BCAS2: variants seen among roughly 807,000 people sequenced by gnomAD.
BCAS2 encodes the protein BCAS2 pre-mRNA processing factor, also known as pre-mRNA-splicing factor SPF27.
BCAS2 carries 34 observed loss-of-function variants against 35.3 expected under a neutral mutation model. The ratio of observed to expected loss-of-function variants is 0.96; its 90% CI spans 0.73 to 1.28. The LOEUF is 1.28. Among genes scored for constraint, BCAS2 ranks in the 50% most tolerant of loss-of-function variants. The probability of loss-of-function intolerance (pLI) is 0.00; values close to 1 mark genes in which losing one functional copy is unlikely to be tolerated. For missense variants in BCAS2, 221 were observed against 268.1 expected (o/e 0.82, Z 1.23); for synonymous variants, 75 against 91.6 (o/e 0.82, Z 1.03).
chr1:114,577,028 T>A (rs1031671559), intron 2 of BCAS2, among the ~76,000 whole-genome samples: 3 of 152,202 alleles, frequency 2.0e-5, no homozygotes, highest in African/African-American at 7.2e-5. Flanking sequence ...TCCAGAAGCA[T>A]ATCAGAATCA....
chr1:114,569,384 G>A lies in BCAS2; in HGVS notation c.551+608C>T, dbSNP rs144690854. Among the ~76,000 whole-genome samples the A allele has an allele frequency of 7.9e-5, 12 of 152,144 alleles. No homozygotes were observed. The East Asian group carries it at 2.3e-3, about 29-fold the overall frequency. On this transcript the variant is annotated intron_variant, in intron 6 of 6. Transcript: ENST00000369541. ...TGACACAAATATTCAAGATTATATT[G>A]TATAAAGGTATACATGTGTGTATGT...
chr1:114,575,609 C>T lies in BCAS2; in HGVS notation c.400G>A (p.Ala134Thr), dbSNP rs1263189718. The change falls in exon 4 of 7, where the codon GCC becomes ACC. Residue 134 changes from alanine (A) to threonine (T), a missense_variant. By Grantham distance (58) the Ala-to-Thr change is moderately conservative. Transcript: ENST00000369541. Reference sequence around the variant, plus strand: ...TCTTACTCATTGTATACTTTCCAGGCATTACATCCATGCTGTGACATTAGT... The same window carrying T: ...TCTTACTCATTGTATACTTTCCAGGTATTACATCCATGCTGTGACATTAGT... ...LELMSQHGCN[A>T]WKVYNENLVH... is the part of the protein sequence containing the mutation. 1.2e-6 allele frequency: 2 copies of T among 1,607,856 alleles called. No homozygotes were observed. Among genetic ancestry groups the T allele is most frequent in the Admixed American group, 3.4e-5 (2 of 58,694 alleles).
At chr1:114,572,151 T>C (rs1654661824) in intron 4 of BCAS2, among the ~76,000 whole-genome samples, 1 of 152,242 alleles carries the variant, frequency 6.6e-6, no homozygotes, top group African/African-American at 2.4e-5. Flanking sequence ...CTGGCTTTTG[T>C]GACTCAAATT....
In BCAS2 at chr1:114,567,723, T is replaced by C. The variant is rs1191322239; in HGVS notation, c.*407A>G. On this transcript the variant is annotated 3_prime_UTR_variant, in exon 7 of 7. Coordinates refer to ENST00000369541, the MANE Select transcript of BCAS2 (RefSeq NM_005872.3). ...CAGTCACTGTCTTTCTGAAGTTGTT[T>C]GGTGATCAAGAATGTGTTTAGAACT... 1.2e-5 allele frequency: 2 copies of C among 160,908 alleles called. No homozygotes were observed. The highest frequency in any genetic ancestry group is 1.8e-4 in the South Asian group (1 of 5,576). 10.0% of individuals were successfully genotyped at this position (160,908 alleles called of 1,614,324 possible).
At chr1:114,575,849 A>C (rs1253236908) in intron 3 of BCAS2, 98 bp from the exon 4 acceptor site, 1 of 1,318,194 alleles carries the variant, frequency 7.6e-7, no homozygotes, top group African/African-American at 1.5e-5. Context: ...TATAGTATAA[A>C]AACTACAGAA....
At chr1:114,572,025 G>C (rs566552983) in intron 4 of BCAS2, among the ~76,000 whole-genome samples, 2 of 152,278 alleles carry the variant, frequency 1.3e-5, no homozygotes, top group East Asian at 3.9e-4. Context: ...ACTTTATTAA[G>C]ATATAATTCC....
chr1:114,576,361 C>T (rs116185978), intron 3 of BCAS2, among the ~76,000 whole-genome samples: 18,862 of 151,066 alleles, frequency 0.12, 1,685 homozygotes, highest in East Asian at 0.45. Context: ...TGGGGGGTGT[C>T]AAGCGATCCA....
At position 114,568,023 on chromosome 1, in the gene BCAS2, T is replaced by C. The variant is rs1654560227; in HGVS notation, c.*107A>G. ...ACACCTTCTATGATTTCTAAACACT[T>C]AAACATCAATGGTTTTGGGAAGATG... On this transcript the variant is annotated 3_prime_UTR_variant, in exon 7 of 7. Coordinates refer to ENST00000369541, the MANE Select transcript of BCAS2 (RefSeq NM_005872.3). 1.4e-6 allele frequency: 2 copies of C among 1,439,678 alleles called. No homozygotes were observed. Among genetic ancestry groups the C allele is most frequent in the African/African-American group, 2.8e-5 (2 of 70,570 alleles). 89.2% of individuals were successfully genotyped at this position (1,439,678 alleles called of 1,614,324 possible).
intron 2 of BCAS2, among the ~76,000 whole-genome samples, chr1:114,580,268 T>C (rs1039201867): frequency 1.3e-5 from 2 of 152,166 alleles, no homozygotes; most frequent in Admixed American, 6.5e-5. Flanking sequence ...AATAAACGAT[T>C]AGGTATAATG....
rs769588920 is a variant in BCAS2, at chr1:114,581,395, AG to A, written c.94-5del. 6.2e-7 allele frequency: 1 copy of A among 1,614,194 alleles called. No individual in the cohort carries two copies. The highest frequency in any genetic ancestry group is 8.5e-7 in the Non-Finnish European group (1 of 1,180,026). ...CCTCCTCCACCAGCGCTGCAGCCTA[AG>A]AAAGAGAATAGGGACCAGGGTAGAA... On this transcript the variant is annotated splice_polypyrimidine_tract_variant and splice_region_variant and intron_variant, in intron 1 of 6. Transcript: ENST00000369541.
At chr1:114,578,322 A>G (rs1463355739) in intron 2 of BCAS2, among the ~76,000 whole-genome samples, 2 of 152,126 alleles carry the variant, frequency 1.3e-5, no homozygotes, top group Admixed American at 1.3e-4. Flanking sequence ...AAATGTAGTT[A>G]CCTAGTTTCC....
intron 4 of BCAS2, among the ~76,000 whole-genome samples, chr1:114,574,873 TTTTG>T (rs1038302833): frequency 6.6e-6 from 1 of 152,064 alleles, no homozygotes; most frequent in African/African-American, 2.4e-5. Context: ...TGTGGGGTTT[TTTTG>T]TTTGTTTTTT....
chr1:114,573,500 T>C (rs1380889857), intron 4 of BCAS2, among the ~76,000 whole-genome samples: 2 of 152,186 alleles, frequency 1.3e-5, no homozygotes, highest in East Asian at 3.9e-4. Context: ...CCCAAAGCAC[T>C]AGGATTATAA....
intron 2 of BCAS2, among the ~76,000 whole-genome samples, chr1:114,580,402 CA>C (rs1262840506): frequency 4.6e-5 from 7 of 152,172 alleles, no homozygotes; most frequent in African/African-American, 1.7e-4. Context: ...CAAGGTTATA[CA>C]TTTAAAATAG....
Position 114,575,771 on chromosome 1 carries a change from T to C in BCAS2, c.258-20A>G. On this transcript the variant is annotated intron_variant, in intron 3 of 6. Coordinates refer to ENST00000369541, the MANE Select transcript of BCAS2 (RefSeq NM_005872.3). ...TCATATCTGAAATTAAACAACAAAA[T>C]AAAATAAAACCATCTATACTGCCAA... 3 of 1,609,650 alleles carry C rather than the reference T, an allele frequency of 1.9e-6. No individual in the cohort carries two copies. Among genetic ancestry groups the C allele is most frequent in the Non-Finnish European group, 2.5e-6 (3 of 1,178,886 alleles).
chr1:114,576,656 C>T (rs1036707399), intron 3 of BCAS2, 32 bp downstream of exon 3: 10 of 1,555,400 alleles, frequency 6.4e-6, no homozygotes, highest in Non-Finnish European at 8.8e-6. Flanking sequence ...TTACTACAAA[C>T]TAAATTTTAA....
In BCAS2 at chr1:114,575,519, A is replaced by C. The variant is rs1206217524; in HGVS notation, c.419+71T>G. The C allele has an allele frequency of 4.8e-6, 7 of 1,457,324 alleles. No homozygotes were observed. In the East Asian group the frequency reaches 1.6e-4, roughly 33 times the overall value. 90.3% of individuals were successfully genotyped at this position (1,457,324 alleles called of 1,614,324 possible). On this transcript the variant is annotated intron_variant, in intron 4 of 6. Coordinates refer to ENST00000369541, the MANE Select transcript of BCAS2 (RefSeq NM_005872.3). ...ACCTCCCATACTTTTAAAATGTACTAAAACTTTGGGTGAGATGGAAAGAAA... is the reference window on the plus strand; with the variant it reads ...ACCTCCCATACTTTTAAAATGTACTCAAACTTTGGGTGAGATGGAAAGAAA...
intron 3 of BCAS2, among the ~76,000 whole-genome samples, chr1:114,576,431 T>TTTATTATTATTATTATTATTATTA (rs147601064): frequency 1.4e-5 from 2 of 147,054 alleles, no homozygotes; most frequent in African/African-American, 5.0e-5. Context: ...CCCAGGTACG[T>TTTATTATTATTATTATTATTATTA]TTATTATTAT....
chr1:114,568,473 T>C (rs1654572634), intron 6 of BCAS2, among the ~76,000 whole-genome samples: 1 of 151,908 alleles, frequency 6.6e-6, no homozygotes, highest in Admixed American at 6.6e-5. Flanking sequence ...TTCAAGGGAT[T>C]CTCCTGACTC....
Sources: allele counts gnomAD v4.1 joint callset (sites outside exome capture counted in the v4.1 genomes callset), GRCh38; gene constraint gnomAD v4.1.1; transcripts MANE v1.5; gene names NCBI Gene and HGNC (gene_info 2026-07-23, HGNC 2026-07-21).